Variants in ARHGEF28 observed in about 807,000 individuals in gnomAD.
ARHGEF28 encodes the protein 190 kDa guanine nucleotide exchange factor.
A neutral mutation model predicts 206.6 loss-of-function variants in ARHGEF28; 152 were observed. The ratio of observed to expected loss-of-function variants is 0.74; its 90% CI spans 0.64 to 0.84. The LOEUF (loss-of-function observed/expected upper bound fraction) is 0.84, where lower values mean the gene tolerates loss of function less well. Among genes scored for constraint, ARHGEF28 ranks in the 40% least tolerant of loss-of-function variants. ARHGEF28 has a pLI of 0.00. For missense variants in ARHGEF28, 2,028 were observed against 2,073.2 expected (o/e 0.98, Z 0.42); for synonymous variants, 763 against 776.4 (o/e 0.98, Z 0.29).
chr5:73,864,883 A>G lies in ARHGEF28; in HGVS notation c.2103+11A>G, dbSNP rs918038548. On this transcript the variant is annotated intron_variant, in intron 17 of 35. Transcript: ENST00000513042. ...CCTGCATGCACCAAGGTAATTGCTC[A>G]GTGATCTGTGAATATATATGTGGCA... 8.1e-6 allele frequency: 13 copies of G among 1,612,308 alleles called. No individual in the cohort carries two copies. The African/African-American group carries it at 1.3e-4, about 17-fold the overall frequency.
intron 9 of ARHGEF28, among the ~76,000 whole-genome samples, chr5:73,820,081 A>G (rs1466487736): frequency 6.6e-6 from 1 of 152,200 alleles, no homozygotes; most frequent in African/African-American, 2.4e-5. Context: ...GAAAGTAGGC[A>G]GTGAATATTG....
chr5:73,831,527 C>T (rs756898531), intron 9 of ARHGEF28, among the ~76,000 whole-genome samples: 2 of 152,168 alleles, frequency 1.3e-5, no homozygotes, highest in Non-Finnish European at 2.9e-5. Flanking sequence ...CAAGCAGTAC[C>T]GAGCCAGAAC....
At chr5:73,728,609 G>A (rs1750420525) in intron 2 of ARHGEF28, among the ~76,000 whole-genome samples, 1 of 152,180 alleles carries the variant, frequency 6.6e-6, no homozygotes, top group African/African-American at 2.4e-5. Flanking sequence ...AAAGAATGTT[G>A]TCAGCCACAG....
At chr5:73,741,900 A>G (rs1257837629) in intron 2 of ARHGEF28, among the ~76,000 whole-genome samples, 1 of 152,134 alleles carries the variant, frequency 6.6e-6, no homozygotes, top group Non-Finnish European at 1.5e-5. Context: ...TCTATTAGCT[A>G]TTGAAAGAGG....
At chr5:73,813,476 A>G (rs2112522603) in intron 9 of ARHGEF28, 1 of 1,481,744 alleles carries the variant, frequency 6.7e-7, no homozygotes, top group Non-Finnish European at 8.9e-7. Flanking sequence ...ATTTCATCCA[A>G]TCTCATTCCT....
intron 2 of ARHGEF28, among the ~76,000 whole-genome samples, chr5:73,746,910 A>C (rs1318231008): frequency 4.6e-5 from 7 of 152,152 alleles, no homozygotes; most frequent in Admixed American, 4.6e-4. Context: ...TCTCTCAAAA[A>C]TATCATTTCG....
At chr5:73,858,960 A>G (rs1021692771) in intron 16 of ARHGEF28, among the ~76,000 whole-genome samples, 1 of 152,082 alleles carries the variant, frequency 6.6e-6, no homozygotes, top group African/African-American at 2.4e-5. Flanking sequence ...CATGGCAGTC[A>G]TGCTCCTGCC....
chr5:73,867,737 G>A (rs1759799123), intron 18 of ARHGEF28, 139 bp from the exon 19 acceptor site: 1 of 1,143,800 alleles, frequency 8.7e-7, no homozygotes, highest in Admixed American at 2.3e-5. Context: ...GGATCTAGCA[G>A]GGAGACTGGT....
At chr5:73,931,219 T>C (rs917044115) in intron 35 of ARHGEF28, among the ~76,000 whole-genome samples, 4 of 152,260 alleles carry the variant, frequency 2.6e-5, no homozygotes, top group African/African-American at 9.6e-5. Context: ...GTCTGATGCC[T>C]TTCCGATTCT....
chr5:73,934,270 T>C (rs936349174), intron 35 of ARHGEF28, among the ~76,000 whole-genome samples: 2 of 152,246 alleles, frequency 1.3e-5, no homozygotes, highest in Non-Finnish European at 2.9e-5. Flanking sequence ...GAATACAGAT[T>C]TGATTAGATG....
At chr5:73,807,725 A>G (rs1755596068) in intron 9 of ARHGEF28, among the ~76,000 whole-genome samples, 1 of 151,954 alleles carries the variant, frequency 6.6e-6, no homozygotes, top group African/African-American at 2.4e-5. Context: ...ACCTCAGGCA[A>G]TCCACCCGCC....
intron 9 of ARHGEF28, among the ~76,000 whole-genome samples, chr5:73,815,416 C>A (rs530962028): frequency 5.5e-4 from 83 of 152,026 alleles, no homozygotes; most frequent in African/African-American, 1.9e-3. Context: ...AAATAAAAAA[C>A]CATGTAAATT....
rs564300862 is a variant in ARHGEF28, at chr5:73,734,178, T to C, written c.34-15659T>C. ...CTATATAAGAGGGTAAAAAAAAGGA[T>C]GGAAGGGGCATAAATTGGTAAAATG... On this transcript the variant is annotated intron_variant, in intron 2 of 35. Coordinates refer to ENST00000513042, the MANE Select transcript of ARHGEF28 (RefSeq NM_001177693.2). Among the ~76,000 whole-genome samples the C allele has an allele frequency of 7.4e-4, 113 of 152,006 alleles. 1 individual carries two copies. Among genetic ancestry groups the C allele is most frequent in the African/African-American group, 2.6e-3 (109 of 41,438 alleles).
At chr5:73,780,793 C>T (rs1383332258) in intron 7 of ARHGEF28, 48 bp downstream of exon 7, 1 of 1,536,756 alleles carries the variant, frequency 6.5e-7, no homozygotes. Flanking sequence ...GTGCTCTGGA[C>T]CAACAATCTA....
At chr5:73,738,015 G>A (rs940121144) in intron 2 of ARHGEF28, among the ~76,000 whole-genome samples, 1 of 152,192 alleles carries the variant, frequency 6.6e-6, no homozygotes, top group African/African-American at 2.4e-5. Flanking sequence ...GCGCTCTATG[G>A]TTTAACAAAG....
chr5:73,816,239 A>T (rs964444686), intron 9 of ARHGEF28, among the ~76,000 whole-genome samples: 1 of 152,184 alleles, frequency 6.6e-6, no homozygotes, highest in African/African-American at 2.4e-5. Context: ...TGCCCCCTCC[A>T]TATAGTGGGA....
intron 18 of ARHGEF28, among the ~76,000 whole-genome samples, chr5:73,867,537 T>C (rs1759787200): frequency 6.6e-6 from 1 of 152,208 alleles, no homozygotes; most frequent in Non-Finnish European, 1.5e-5. Flanking sequence ...CTTGCAACTA[T>C]TTAAAGCTGG....
At chr5:73,848,587 A>C (rs1380202690) in intron 12 of ARHGEF28, among the ~76,000 whole-genome samples, 1 of 151,800 alleles carries the variant, frequency 6.6e-6, no homozygotes, top group African/African-American at 2.4e-5. Context: ...TAGAAATCTC[A>C]GTTAATATAG....
chr5:73,777,698 G>C (rs912521787), intron 6 of ARHGEF28, among the ~76,000 whole-genome samples: 5 of 152,128 alleles, frequency 3.3e-5, no homozygotes, highest in Non-Finnish European at 7.4e-5. Context: ...AGGGAATTTG[G>C]TGTGTAATTT....
Sources: allele counts gnomAD v4.1 joint callset (sites outside exome capture counted in the v4.1 genomes callset), GRCh38; gene constraint gnomAD v4.1.1; transcripts MANE v1.5; gene names NCBI Gene and HGNC (gene_info 2026-07-23, HGNC 2026-07-21).